UBE2Q2: variants seen among roughly 807,000 people sequenced by gnomAD.
The protein encoded by UBE2Q2 is ubiquitin-conjugating enzyme E2 Q2.
Under a neutral mutation model 59.9 loss-of-function variants are expected in UBE2Q2, and 54 were observed. The ratio of observed to expected loss-of-function variants is 0.90; its 90% confidence interval spans 0.72 to 1.13. The LOEUF (loss-of-function observed/expected upper bound fraction) is 1.13. Among genes scored for constraint, UBE2Q2 ranks in the 50% most tolerant of loss-of-function variants. The probability of loss-of-function intolerance (pLI) is 0.00; values close to 1 mark genes in which losing one functional copy is unlikely to be tolerated. For synonymous variants in UBE2Q2, 165 were observed against 155.2 expected (o/e 1.06, Z -0.47); for missense variants, 433 against 441.9 (o/e 0.98, Z 0.18).
chr15:75,891,816 C>A (rs1011718535), intron 11 of UBE2Q2, among the ~76,000 whole-genome samples: 1 of 152,146 alleles, frequency 6.6e-6, no homozygotes, highest in African/African-American at 2.4e-5. Flanking sequence ...GTTACCATGA[C>A]TTTTAGCAAG....
chr15:75,891,405 C>G (rs536911998), intron 11 of UBE2Q2, among the ~76,000 whole-genome samples: 65 of 151,266 alleles, frequency 4.3e-4, no homozygotes, highest in Non-Finnish European at 8.8e-5. Context: ...AGAACTAATT[C>G]CTGGTAAGCT....
intron 1 of UBE2Q2, among the ~76,000 whole-genome samples, chr15:75,844,899 A>G (rs1270057046): frequency 6.6e-6 from 1 of 152,138 alleles, no homozygotes; most frequent in Non-Finnish European, 1.5e-5. Flanking sequence ...GGCGTTTGCA[A>G]AAACCTTGAT....
At chr15:75,857,219 G>T (rs942954733) in intron 2 of UBE2Q2, among the ~76,000 whole-genome samples, 1 of 152,194 alleles carries the variant, frequency 6.6e-6, no homozygotes, top group Admixed American at 6.5e-5. Flanking sequence ...CCAGCAAGGG[G>T]GTTGATGGGA....
At chr15:75,844,967 CA>C (rs76363124) in intron 1 of UBE2Q2, among the ~76,000 whole-genome samples, 3,199 of 142,614 alleles carry the variant, frequency 0.022, 94 homozygotes, top group East Asian at 0.081. Context: ...GTGTTAATTT[CA>C]AAAAAAAAAA....
intron 3 of UBE2Q2, among the ~76,000 whole-genome samples, chr15:75,867,510 T>C (rs1322942724): frequency 3.3e-5 from 5 of 152,220 alleles, no homozygotes; most frequent in African/African-American, 1.2e-4. Flanking sequence ...GACCTACTCT[T>C]TTTTTATAAA....
intron 1 of UBE2Q2, 58 bp downstream of exon 1, chr15:75,843,904 G>A: frequency 6.7e-7 from 1 of 1,484,820 alleles, no homozygotes; most frequent in Non-Finnish European, 8.9e-7. Context: ...GGGGCGCTTC[G>A]AGTCCCGGGA....
intron 8 of UBE2Q2, 131 bp from the exon 9 acceptor site, chr15:75,883,235 A>G: frequency 1.2e-6 from 1 of 833,462 alleles, no homozygotes; most frequent in Admixed American, 3.3e-5. Context: ...TTTGGGTACT[A>G]ATTTTATGAC....
At chr15:75,853,626 T>C (rs1399962593) in intron 1 of UBE2Q2, among the ~76,000 whole-genome samples, 1 of 152,174 alleles carries the variant, frequency 6.6e-6, no homozygotes, top group Admixed American at 6.5e-5. Flanking sequence ...TTTCTATTGC[T>C]CTGTAACAAA....
intron 11 of UBE2Q2, among the ~76,000 whole-genome samples, chr15:75,892,306 T>G (rs982342416): frequency 3.9e-5 from 6 of 152,160 alleles, no homozygotes; most frequent in Admixed American, 3.9e-4. Flanking sequence ...ACTCAAATCA[T>G]AGCATTCAAA....
intron 1 of UBE2Q2, among the ~76,000 whole-genome samples, chr15:75,850,347 A>C (rs1256034661): frequency 6.6e-6 from 1 of 152,194 alleles, no homozygotes; most frequent in Non-Finnish European, 1.5e-5. Context: ...TCCCTTAAAA[A>C]ATCAGATTTT....
Position 75,868,800 on chromosome 15 carries a change from A to G in UBE2Q2, c.388-151A>G, listed in dbSNP as rs1262437781. The G allele has an allele frequency of 3.9e-5, 22 of 559,396 alleles. 1 individual carries two copies. In the South Asian group the frequency reaches 6.8e-4, roughly 17 times the overall value. 34.7% of individuals were successfully genotyped at this position (559,396 alleles called of 1,614,324 possible). On this transcript the variant is annotated intron_variant, in intron 3 of 12. Coordinates refer to ENST00000267938, the MANE Select transcript of UBE2Q2 (RefSeq NM_173469.4). ...TAACTTATTTGTTAGTCAAAGCTGG[A>G]TTTAAAGATAAACATTTTAATTTTA...
rs753034134 is a variant in UBE2Q2 at position 75,877,947 on chromosome 15, C to T, written c.674-14C>T. ...TGAAATGAAGAGTAGCTAACATGCT[C>T]TATATCTTAACAGGGATTTATTCAG... On this transcript the variant is annotated splice_polypyrimidine_tract_variant and intron_variant, in intron 6 of 12. Coordinates refer to ENST00000267938, the MANE Select transcript of UBE2Q2 (RefSeq NM_173469.4). 4.3e-6 allele frequency: 7 copies of T among 1,609,998 alleles called. No individual in the cohort carries two copies. Among genetic ancestry groups the T allele is most frequent in the African/African-American group, 2.7e-5 (2 of 74,780 alleles).
intron 4 of UBE2Q2, among the ~76,000 whole-genome samples, chr15:75,873,117 C>T (rs1273549733): frequency 6.6e-6 from 1 of 152,144 alleles, no homozygotes; most frequent in Non-Finnish European, 1.5e-5. Flanking sequence ...GTTCTTGACA[C>T]CTGCTGCTAA....
intron 4 of UBE2Q2, among the ~76,000 whole-genome samples, chr15:75,870,483 A>G (rs1454375364): frequency 6.6e-6 from 1 of 152,190 alleles, no homozygotes; most frequent in East Asian, 1.9e-4. Flanking sequence ...ACTGCATGAA[A>G]ACATTAAACC....
At chr15:75,864,011 G>GA (rs1474761065) in intron 3 of UBE2Q2, among the ~76,000 whole-genome samples, 3 of 152,222 alleles carry the variant, frequency 2.0e-5, no homozygotes, top group Admixed American at 2.0e-4. Flanking sequence ...TTAATGCATA[G>GA]AGAGCTGCCT....
At chr15:75,881,247 T>TA (rs1424955332) in intron 8 of UBE2Q2, among the ~76,000 whole-genome samples, 12 of 152,024 alleles carry the variant, frequency 7.9e-5, no homozygotes, top group Admixed American at 3.9e-4. Context: ...TTTTTTTTTT[T>TA]ATCCGTCCCT....
At chr15:75,853,490 TTA>T (rs35429355) in intron 1 of UBE2Q2, among the ~76,000 whole-genome samples, 13,593 of 148,264 alleles carry the variant, frequency 0.092, 1,540 homozygotes, top group African/African-American at 0.27. Flanking sequence ...GAAAAAAAAA[TTA>T]TATATATATA....
chr15:75,890,846 C>A, intron 10 of UBE2Q2, 73 bp from the exon 11 acceptor site: 1 of 1,288,078 alleles, frequency 7.8e-7, no homozygotes, highest in Non-Finnish European at 1.1e-6. Context: ...GAGTTATATA[C>A]CATTTTGTTA....
At chr15:75,879,050 A>C (rs749318109) in intron 7 of UBE2Q2, 48 bp from the exon 8 acceptor site, 2 of 1,418,578 alleles carry the variant, frequency 1.4e-6, no homozygotes, top group Non-Finnish European at 1.9e-6. Flanking sequence ...TTAAAAAAAA[A>C]AATCTCTAAC....
Sources: allele counts gnomAD v4.1 joint callset (sites outside exome capture counted in the v4.1 genomes callset), GRCh38; gene constraint gnomAD v4.1.1; transcripts MANE v1.5; gene names NCBI Gene and HGNC (gene_info 2026-07-23, HGNC 2026-07-21).